Variants in WDR93 observed in about 807,000 individuals in gnomAD.
WDR93 encodes WD repeat-containing protein 93.
A neutral mutation model predicts 82.9 loss-of-function variants in WDR93; 73 were observed. The ratio of observed to expected loss-of-function variants is 0.88; its 90% confidence interval spans 0.73 to 1.07. WDR93 has a LOEUF of 1.07. WDR93 is among the 50% of genes least tolerant of loss of function. The pLI is 0.00. For synonymous variants in WDR93, 283 were observed against 300.1 expected (o/e 0.94, Z 0.59); for missense variants, 738 against 826.0 (o/e 0.89, Z 1.31).
chr15:89,702,690 C>T (rs1015336135), intron 2 of WDR93, among the ~76,000 whole-genome samples: 2 of 152,074 alleles, frequency 1.3e-5, no homozygotes, highest in Non-Finnish European at 2.9e-5. Flanking sequence ...AGGGATATGC[C>T]ACCATGCCCG....
intron 4 of WDR93, among the ~76,000 whole-genome samples, chr15:89,706,135 G>A (rs1965717210): frequency 6.6e-6 from 1 of 152,128 alleles, no homozygotes; most frequent in Non-Finnish European, 1.5e-5. Context: ...TTCTACCACA[G>A]TGTTTCCCGC....
At position 89,716,959 on chromosome 15, in the gene WDR93, T is replaced by G; in HGVS notation, c.795+10T>G. On this transcript the variant is annotated intron_variant, in intron 7 of 16. Transcript: ENST00000268130. ...AGATCCTTTAGAAATGGTAAGAAAC[T>G]TTAAAGAAAATCTCCAGAGAGACTT... 6.6e-7 allele frequency: 1 copy of G among 1,516,816 alleles called. No homozygotes were observed. Among genetic ancestry groups the G allele is most frequent in the Non-Finnish European group, 8.9e-7 (1 of 1,127,440 alleles). The allele number at this position is 1,516,816 out of a possible 1,614,324, so 94.0% of individuals were successfully genotyped here.
chr15:89,725,546 C>CTTTTTTTTTTTTTTTTTTTTTTTTT (rs35770679), intron 8 of WDR93, among the ~76,000 whole-genome samples: 1 of 144,962 alleles, frequency 6.9e-6, no homozygotes, highest in Non-Finnish European at 1.5e-5. Flanking sequence ...TGTTCTATTT[C>CTTTTTTTTTTTTTTTTTTTTTTTTT]TTTTTTTTTT....
intron 8 of WDR93, among the ~76,000 whole-genome samples, chr15:89,723,531 T>G (rs1966611770): frequency 6.6e-6 from 1 of 152,146 alleles, no homozygotes; most frequent in Admixed American, 6.5e-5. Flanking sequence ...TCAGACTTGC[T>G]CTATCAATAT....
chr15:89,729,667 CCCG>C lies in WDR93; in HGVS notation c.1124-13_1124-11del, dbSNP rs762439830. On this transcript the variant is annotated splice_polypyrimidine_tract_variant and intron_variant, in intron 10 of 16. Transcript: ENST00000268130. ...TGTAACACCCATTTTCTGTCTTTCC[CCCG>C]CCCCCCCACCAGGAATGGCCTGTGT... 18 of 1,609,216 alleles carry C rather than the reference CCCG, an allele frequency of 1.1e-5. No individual in the cohort carries two copies. The African/African-American group carries it at 1.9e-4, about 17-fold the overall frequency.
chr15:89,713,692 C>T (rs571873304), intron 5 of WDR93, among the ~76,000 whole-genome samples: 1 of 152,122 alleles, frequency 6.6e-6, no homozygotes, highest in Admixed American at 6.6e-5. Flanking sequence ...AGGCTGGTCT[C>T]GAACTCCTGA....
At chr15:89,716,593 C>T (rs1966263815) in intron 6 of WDR93, among the ~76,000 whole-genome samples, 1 of 152,164 alleles carries the variant, frequency 6.6e-6, no homozygotes, top group African/African-American at 2.4e-5. Context: ...ATATGTTTTG[C>T]CAATCAGAAA....
At chr15:89,732,724 G>C (rs1383658867) in intron 12 of WDR93, among the ~76,000 whole-genome samples, 1 of 151,938 alleles carries the variant, frequency 6.6e-6, no homozygotes, top group Admixed American at 6.6e-5. Flanking sequence ...TCCCTGGCTG[G>C]GTTGTAGCTT....
intron 1 of WDR93, among the ~76,000 whole-genome samples, chr15:89,698,850 T>C (rs892574482): frequency 1.3e-5 from 2 of 152,156 alleles, no homozygotes; most frequent in African/African-American, 4.8e-5. Flanking sequence ...TTCACTTCTT[T>C]ATGTAAATTT....
chr15:89,692,190 A>C (rs1271424484), intron 1 of WDR93, among the ~76,000 whole-genome samples: 1 of 152,190 alleles, frequency 6.6e-6, no homozygotes, highest in Admixed American at 6.5e-5. Context: ...GAGTGCTCAC[A>C]TTAGCAGCTG....
chr15:89,724,939 T>C (rs1373322560), intron 8 of WDR93, among the ~76,000 whole-genome samples: 2 of 152,212 alleles, frequency 1.3e-5, no homozygotes, highest in Admixed American at 6.5e-5. Flanking sequence ...TTGTGTCCTA[T>C]GACACAGTAT....
At chr15:89,734,016 C>T (rs770594308) in intron 13 of WDR93, among the ~76,000 whole-genome samples, 5 of 151,054 alleles carry the variant, frequency 3.3e-5, no homozygotes, top group South Asian at 2.1e-4. Flanking sequence ...TGTGTGTGCG[C>T]GCGCGCATGT....
chr15:89,737,786 CACAA>C (rs1291463614), intron 15 of WDR93, 57 bp downstream of exon 15: 31 of 1,605,650 alleles, frequency 1.9e-5, no homozygotes, highest in Middle Eastern at 3.3e-4. Flanking sequence ...TTAGTTCTCT[CACAA>C]ACAGAGAGAG....
chr15:89,711,749 G>A (rs8030243), intron 4 of WDR93, among the ~76,000 whole-genome samples: 1 of 151,994 alleles, frequency 6.6e-6, no homozygotes, highest in African/African-American at 2.4e-5. Flanking sequence ...CACACCTGAC[G>A]AGGAGATCCA....
At chr15:89,701,440 C>T (rs1172236106) in intron 1 of WDR93, among the ~76,000 whole-genome samples, 1 of 152,108 alleles carries the variant, frequency 6.6e-6, no homozygotes, top group Non-Finnish European at 1.5e-5. Flanking sequence ...AGACATCTGC[C>T]CTCCTATCAA....
chr15:89,722,183 TG>T, intron 8 of WDR93, 44 bp downstream of exon 8: 3 of 1,348,952 alleles, frequency 2.2e-6, no homozygotes, highest in Non-Finnish European at 3.1e-6. Context: ...TTGATTTATC[TG>T]TTCTTTCTTC....
At chr15:89,739,832 G>A (rs1169248532) in intron 16 of WDR93, among the ~76,000 whole-genome samples, 1 of 152,046 alleles carries the variant, frequency 6.6e-6, no homozygotes, top group East Asian at 1.9e-4. Context: ...CTTTCTCTGT[G>A]TAGACTCTTT....
chr15:89,701,570 A>G, intron 1 of WDR93, 137 bp from the exon 2 acceptor site: 1 of 720,562 alleles, frequency 1.4e-6, no homozygotes, highest in Non-Finnish European at 2.3e-6. Context: ...ATGTGGTAAT[A>G]GTCCTCTGGT....
In WDR93 at chr15:89,705,559, A is replaced by T; in HGVS notation, c.502A>T (p.Ile168Phe). The part of the protein sequence containing the change: ...LIAPVDEMGI[I>F]RLFYFYKEGL... Reference sequence around the variant, plus strand: ...CACTTATTTTTCTGTTTCAGGTATCATTAGACTCTTTTATTTTTATAAGGA... The same window carrying T: ...CACTTATTTTTCTGTTTCAGGTATCTTTAGACTCTTTTATTTTTATAAGGA... Residue 168 changes from isoleucine (I) to phenylalanine (F), a missense_variant, in exon 4 of 17, where the codon ATT becomes TTT. Physicochemically the swap from Ile to Phe is conservative, Grantham distance 21 (BLOSUM62 0). Transcript: ENST00000268130. 6.6e-7 allele frequency: 1 copy of T among 1,525,682 alleles called. No individual in the cohort carries two copies. Among genetic ancestry groups the T allele is most frequent in the East Asian group, 2.2e-5 (1 of 44,638 alleles). 94.5% of individuals were successfully genotyped at this position (1,525,682 alleles called of 1,614,324 possible).
Sources: gnomAD v4.1 joint callset for allele counts (sites outside exome capture counted in the v4.1 genomes callset) on GRCh38, gnomAD v4.1.1 for gene constraint, MANE v1.5 for transcripts, NCBI Gene and HGNC (gene_info 2026-07-23, HGNC 2026-07-21) for gene names.